DCAF10: variants seen among roughly 807,000 people sequenced by gnomAD.
The protein encoded by DCAF10 is DDB1 and CUL4 associated factor 10.
A neutral mutation model predicts 51.9 loss-of-function variants in DCAF10; 19 were observed. The ratio of observed to expected loss-of-function variants is 0.37; its 90% CI spans 0.26 to 0.54. The LOEUF (loss-of-function observed/expected upper bound fraction) is 0.54. DCAF10 is among the 20% of genes least tolerant of loss of function. The pLI is 0.87. For missense variants in DCAF10, 510 were observed against 730.6 expected, an observed-to-expected ratio of 0.70 and a Z score of 3.48; for synonymous variants, 291 against 297.1, an observed-to-expected ratio of 0.98 and a Z score of 0.21.
At chr9:37,853,366 C>G (rs547251708) in intron 3 of DCAF10, among the ~76,000 whole-genome samples, 80 of 138,756 alleles carry the variant, frequency 5.8e-4, no homozygotes, top group African/African-American at 2.1e-3. Context: ...CGAGCTGAGA[C>G]AGTACCATTG....
At chr9:37,810,912 C>T (rs1405161261) in intron 1 of DCAF10, among the ~76,000 whole-genome samples, 7 of 152,140 alleles carry the variant, frequency 4.6e-5, no homozygotes, top group Non-Finnish European at 8.8e-5. Context: ...ATCGACAGTA[C>T]TCATGGGGAC....
chr9:37,808,719 AATT>A (rs1829224714), intron 1 of DCAF10, among the ~76,000 whole-genome samples: 1 of 2,396 alleles, frequency 4.2e-4, no homozygotes, highest in Non-Finnish European at 0.013. Context: ...TTATATATAA[AATT>A]TATATATAAA....
Position 37,865,582 on chromosome 9 carries a change from T to C in DCAF10, c.*4074T>C, listed in dbSNP as rs895492460. 2 of 152,218 alleles carry C rather than the reference T, an allele frequency of 1.3e-5. No homozygotes were observed. Among genetic ancestry groups the C allele is most frequent in the African/African-American group, 4.8e-5 (2 of 41,460 alleles). 9.4% of individuals were successfully genotyped at this position (152,218 alleles called of 1,614,324 possible). ...ATGCAGTACAAATTGTTCTACTGTT[T>C]TAAAAAGTTTTCCGCAGAACAGTGC... is the stretch of plus-strand genomic sequence containing the variant. On this transcript the variant is annotated 3_prime_UTR_variant, in exon 7 of 7. Coordinates refer to ENST00000377724, the MANE Select transcript of DCAF10 (RefSeq NM_024345.5).
chr9:37,850,827 TATATATA>T (rs1830614290), intron 3 of DCAF10, among the ~76,000 whole-genome samples: 1 of 66,060 alleles, frequency 1.5e-5, no homozygotes, highest in African/African-American at 6.9e-5. Flanking sequence ...GGATATATTT[TATATATA>T]TATATATATA....
In DCAF10 at chr9:37,862,135, A is replaced by G. The variant is rs1225889337; in HGVS notation, c.*627A>G. The G allele has an allele frequency of 6.6e-6, 1 of 152,646 alleles. No individual in the cohort carries two copies. The highest frequency in any genetic ancestry group is 1.9e-4 in the East Asian group (1 of 5,202). The allele number at this position is 152,646 out of a possible 1,614,324, so 9.5% of individuals were successfully genotyped here. ...TTAAGTTTCCTGTTAAAATTATAAAAAGATTTTCATGGTGAGAGGGATTTT... is the reference window on the plus strand; with the variant it reads ...TTAAGTTTCCTGTTAAAATTATAAAGAGATTTTCATGGTGAGAGGGATTTT... On this transcript the variant is annotated 3_prime_UTR_variant, in exon 7 of 7. Coordinates refer to ENST00000377724, the MANE Select transcript of DCAF10 (RefSeq NM_024345.5).
Position 37,861,460 on chromosome 9 carries a change from C to T in DCAF10, c.1632C>T (p.Ala544=). The T allele has an allele frequency of 6.2e-7, 1 of 1,613,850 alleles. No homozygotes were observed. The highest frequency in any genetic ancestry group is 2.2e-5 in the East Asian group (1 of 44,878). The change falls in exon 7 of 7, where the codon GCC becomes GCT. Residue 544 remains alanine, a synonymous_variant. Coordinates refer to ENST00000377724, the MANE Select transcript of DCAF10 (RefSeq NM_024345.5). This position sits in a 1 kb window ranked among gnomAD's most constrained non-coding sequence, Gnocchi z 4.9. ...TKFSPTHCQI[A]SGCLSGRVSL... ...TCTCTCCAACACATTGTCAGATTGC[C>T]TCAGGGTGCCTTAGTGGACGGGTTT... is the stretch of plus-strand genomic sequence containing the variant.
In DCAF10 at chr9:37,861,828, T is replaced by G; in HGVS notation, c.*320T>G. 1 of 224,558 alleles carries G rather than the reference T, an allele frequency of 4.5e-6. No individual in the cohort carries two copies. The highest frequency in any genetic ancestry group is 9.0e-6 in the Non-Finnish European group (1 of 111,354). The allele number at this position is 224,558 out of a possible 1,614,324, so 13.9% of individuals were successfully genotyped here. Reference sequence around the variant, plus strand: ...TTCCTTCCTCACTCTCTATTTCTCTTTCCCTCTCCCTGTCCCTCTCTTTCT... The same window carrying G: ...TTCCTTCCTCACTCTCTATTTCTCTGTCCCTCTCCCTGTCCCTCTCTTTCT... On this transcript the variant is annotated 3_prime_UTR_variant, in exon 7 of 7. Coordinates refer to ENST00000377724, the MANE Select transcript of DCAF10 (RefSeq NM_024345.5). This position sits in a 1 kb window ranked among gnomAD's most constrained non-coding sequence, Gnocchi z 4.9.
At chr9:37,831,629 T>A (rs903161591) in intron 2 of DCAF10, among the ~76,000 whole-genome samples, 1 of 152,188 alleles carries the variant, frequency 6.6e-6, no homozygotes, top group East Asian at 1.9e-4. Context: ...TATTATCTTG[T>A]AAAATAAAAA....
intron 2 of DCAF10, among the ~76,000 whole-genome samples, chr9:37,820,799 CAT>C (rs1441717042): frequency 9.9e-5 from 15 of 152,166 alleles, no homozygotes; most frequent in African/African-American, 3.4e-4. Flanking sequence ...TTTATAAAGA[CAT>C]ATAATATTAA....
intron 3 of DCAF10, among the ~76,000 whole-genome samples, chr9:37,848,394 G>C (rs940136517): frequency 6.6e-6 from 1 of 152,128 alleles, no homozygotes; most frequent in Non-Finnish European, 1.5e-5. Context: ...CAATGAAAAC[G>C]AACAAATAAT....
intron 2 of DCAF10, among the ~76,000 whole-genome samples, chr9:37,841,176 C>A (rs2762452): frequency 6.6e-6 from 1 of 151,898 alleles, no homozygotes; most frequent in Non-Finnish European, 1.5e-5. Context: ...GGTTGTTTCA[C>A]CTAGCAGAAA....
rs773639107 is a variant in DCAF10, at chr9:37,861,152, T to C, written c.1324T>C (p.Tyr442His). Residue 442 changes from tyrosine to histidine, a missense_variant, in exon 7 of 7, where the codon TAT (tyrosine) becomes CAT (histidine). This residue lies in a region of DCAF10 where 104 missense variants were observed against 206.2 expected (regional missense o/e 0.50). Transcript: ENST00000377724. The surrounding 1 kb of genome is among the most constrained non-coding windows in gnomAD (Gnocchi z 4.9). ...TCTCTCCCCCTAGTGTACTTGTGTC[T>C]ATGAATTCCAAGAAGGAGCTCCAGT... is the stretch of plus-strand genomic sequence containing the variant. ...NSDDEECTCV[Y>H]EFQEGAPVRP... is the part of the protein sequence containing the mutation. 1 of 1,601,562 alleles carries C rather than the reference T, an allele frequency of 6.2e-7. No individual in the cohort carries two copies. The highest frequency in any genetic ancestry group is 1.1e-5 in the South Asian group (1 of 90,922).
chr9:37,818,596 C>T (rs12006242), intron 1 of DCAF10, among the ~76,000 whole-genome samples: 6,402 of 152,044 alleles, frequency 0.042, 454 homozygotes, highest in African/African-American at 0.15. Flanking sequence ...AGAGACAAAC[C>T]TAAAAAACCA....
At chr9:37,847,727 C>T (rs948531233) in intron 3 of DCAF10, among the ~76,000 whole-genome samples, 10 of 152,102 alleles carry the variant, frequency 6.6e-5, no homozygotes, top group Admixed American at 6.5e-4. Context: ...TCTTCATATG[C>T]AGGAAATATG....
At chr9:37,851,761 T>C (rs1017536199) in intron 3 of DCAF10, among the ~76,000 whole-genome samples, 8 of 150,588 alleles carry the variant, frequency 5.3e-5, no homozygotes, top group Admixed American at 1.3e-4. Context: ...TGCCACTGCA[T>C]TGGGCGACAG....
intron 1 of DCAF10, among the ~76,000 whole-genome samples, chr9:37,807,658 C>CTTTTTTT (rs5897701): frequency 8.3e-5 from 6 of 72,548 alleles, no homozygotes; most frequent in Admixed American, 3.6e-4. Context: ...CTTTTCTTTT[C>CTTTTTTT]TTTTTTTTTT....
At chr9:37,821,689 T>C (rs554998325) in intron 2 of DCAF10, among the ~76,000 whole-genome samples, 18 of 152,202 alleles carry the variant, frequency 1.2e-4, no homozygotes, top group African/African-American at 4.3e-4. Flanking sequence ...AAAACCCTTC[T>C]AGACATTGGC....
At chr9:37,821,892 T>G (rs910430512) in intron 2 of DCAF10, among the ~76,000 whole-genome samples, 1 of 151,804 alleles carries the variant, frequency 6.6e-6, no homozygotes, top group African/African-American at 2.4e-5. Flanking sequence ...ATCCAGAATC[T>G]ACAACAAACT....
intron 3 of DCAF10, among the ~76,000 whole-genome samples, chr9:37,842,736 G>A (rs1830368059): frequency 6.6e-6 from 1 of 152,176 alleles, no homozygotes; most frequent in Admixed American, 6.5e-5. Context: ...AATTTTGGTT[G>A]TCACTATGGG....
Sources: allele counts gnomAD v4.1 joint callset (sites outside exome capture counted in the v4.1 genomes callset), GRCh38; gene constraint gnomAD v4.1.1; regional missense constraint gnomAD v4.1.1; non-coding constraint Gnocchi (gnomAD v3.1); transcripts MANE v1.5; gene names NCBI Gene and HGNC (gene_info 2026-07-23, HGNC 2026-07-21).